The following MTHFD1L variants were observed in gnomAD, a reference collection of about 807,000 sequenced individuals.
The protein encoded by MTHFD1L is monofunctional C1-tetrahydrofolate synthase, mitochondrial.
A neutral mutation model predicts 119.5 loss-of-function variants in MTHFD1L; 81 were observed. The ratio of observed to expected loss-of-function variants is 0.68; its 90% CI spans 0.57 to 0.82. MTHFD1L has a LOEUF of 0.82. Among genes scored for constraint, MTHFD1L ranks in the 40% least tolerant of loss-of-function variants. The pLI is 0.00. For missense variants in MTHFD1L, 1,125 were observed against 1,253.4 expected, an observed-to-expected ratio of 0.90 and a Z score of 1.55; for synonymous variants, 430 against 475.2, an observed-to-expected ratio of 0.90 and a Z score of 1.24.
intron 24 of MTHFD1L, among the ~76,000 whole-genome samples, chr6:151,028,854 T>C (rs892996987): frequency 1.3e-5 from 2 of 152,064 alleles, no homozygotes; most frequent in Non-Finnish European, 2.9e-5. Context: ...GGCAGGCAGA[T>C]CACTTGAGCC....
At chr6:150,936,341 G>T (rs1463925568) in intron 11 of MTHFD1L, among the ~76,000 whole-genome samples, 2 of 152,166 alleles carry the variant, frequency 1.3e-5, no homozygotes, top group Non-Finnish European at 2.9e-5. Context: ...GGACTTTAGG[G>T]TCCCTTCTAA....
intron 20 of MTHFD1L, among the ~76,000 whole-genome samples, chr6:150,998,138 T>C (rs4991136): frequency 0.23 from 34,637 of 152,078 alleles, 4,014 homozygotes; most frequent in Middle Eastern, 0.31. Context: ...AGTCTAATAA[T>C]TTTCTATCCT....
At chr6:150,912,288 T>C (rs1473450022) in intron 8 of MTHFD1L, among the ~76,000 whole-genome samples, 2 of 144,146 alleles carry the variant, frequency 1.4e-5, no homozygotes, top group Non-Finnish European at 3.0e-5. Context: ...AAAAACTGGC[T>C]ACCAGTGTTT....
chr6:150,987,037 T>C (rs1391544458), intron 20 of MTHFD1L, among the ~76,000 whole-genome samples: 1 of 152,152 alleles, frequency 6.6e-6, no homozygotes, highest in Non-Finnish European at 1.5e-5. Flanking sequence ...CCATGCCAAA[T>C]GCATTATGAA....
chr6:150,919,247 A>G (rs1425941454), intron 9 of MTHFD1L, among the ~76,000 whole-genome samples: 1 of 151,794 alleles, frequency 6.6e-6, no homozygotes, highest in African/African-American at 2.4e-5. Flanking sequence ...CCCTTGGGAC[A>G]GAGTCTCACT....
chr6:150,945,740 G>A (rs536818915), intron 15 of MTHFD1L, among the ~76,000 whole-genome samples, 199 bp downstream of exon 15: 1 of 152,116 alleles, frequency 6.6e-6, no homozygotes, highest in Admixed American at 6.5e-5. Context: ...ACACGAAAGA[G>A]CCAGGTGGAC....
chr6:151,096,133 A>G (rs1346887843), intron 27 of MTHFD1L, among the ~76,000 whole-genome samples: 1 of 152,218 alleles, frequency 6.6e-6, no homozygotes, highest in Admixed American at 6.5e-5. Flanking sequence ...GATACCAGCT[A>G]TTTGAACAGA....
chr6:150,922,793 G>A (rs752682029), intron 10 of MTHFD1L, among the ~76,000 whole-genome samples: 3 of 151,798 alleles, frequency 2.0e-5, no homozygotes, highest in South Asian at 4.2e-4. Context: ...ACAGGTGCAC[G>A]CCACCACACC....
chr6:150,960,859 A>G (rs1020926932), intron 18 of MTHFD1L, among the ~76,000 whole-genome samples: 10 of 152,156 alleles, frequency 6.6e-5, no homozygotes, highest in African/African-American at 2.2e-4. Context: ...CATTTCTGGC[A>G]CCAGCCTGGC....
chr6:151,072,367 C>G (rs889635605), intron 26 of MTHFD1L, among the ~76,000 whole-genome samples: 2 of 152,080 alleles, frequency 1.3e-5, no homozygotes, highest in African/African-American at 4.8e-5. Context: ...TATAATGCTT[C>G]TCATAATGTT....
At chr6:151,061,839 T>C (rs1041837767) in intron 26 of MTHFD1L, among the ~76,000 whole-genome samples, 3 of 152,226 alleles carry the variant, frequency 2.0e-5, no homozygotes, top group African/African-American at 7.2e-5. Flanking sequence ...TCCCCAGCGA[T>C]GTGGCTTGGT....
chr6:151,016,207 A>G (rs923521226), intron 24 of MTHFD1L, among the ~76,000 whole-genome samples: 3 of 152,196 alleles, frequency 2.0e-5, no homozygotes, highest in African/African-American at 7.2e-5. Context: ...CCCAAATCGC[A>G]GTCCTAAGTG....
intron 26 of MTHFD1L, among the ~76,000 whole-genome samples, chr6:151,052,198 A>C (rs1443359630): frequency 6.6e-6 from 1 of 152,188 alleles, no homozygotes; most frequent in Non-Finnish European, 1.5e-5. Context: ...CTTCCTGCCA[A>C]GTTGGCCATC....
chr6:150,914,721 C>T (rs903008303), intron 8 of MTHFD1L, among the ~76,000 whole-genome samples: 3 of 152,184 alleles, frequency 2.0e-5, no homozygotes, highest in South Asian at 2.1e-4. Context: ...ACCTAGCTGC[C>T]GGTGGACAGC....
intron 7 of MTHFD1L, among the ~76,000 whole-genome samples, chr6:150,898,521 A>T (rs1352697589): frequency 6.6e-6 from 1 of 152,202 alleles, no homozygotes; most frequent in East Asian, 1.9e-4. Context: ...GCAAAGCAGA[A>T]TTTTCCCCTG....
chr6:151,087,315 A>C (rs1793914998), intron 26 of MTHFD1L, among the ~76,000 whole-genome samples: 1 of 152,008 alleles, frequency 6.6e-6, no homozygotes, highest in African/African-American at 2.4e-5. Context: ...TGATGTAGTT[A>C]ACTGGTATAA....
chr6:151,008,973 T>A (rs996885705), intron 20 of MTHFD1L, among the ~76,000 whole-genome samples: 3 of 148,904 alleles, frequency 2.0e-5, no homozygotes, highest in Non-Finnish European at 4.5e-5. Context: ...AAAAAAAAAA[T>A]TAGCCGGGTG....
At chr6:150,986,740 T>C (rs1238564236) in intron 20 of MTHFD1L, among the ~76,000 whole-genome samples, 1 of 152,216 alleles carries the variant, frequency 6.6e-6, no homozygotes, top group African/African-American at 2.4e-5. Context: ...AGTCTCACTC[T>C]GTCGCCCAGG....
Position 150,926,510 on chromosome 6 carries a change from G to T in MTHFD1L, c.1256+215G>T, listed in dbSNP as rs1790012720. 6.6e-6 allele frequency among the ~76,000 whole-genome samples: 1 copy of T among 152,152 alleles called. No homozygotes were observed. The highest frequency in any genetic ancestry group is 2.1e-4 in the South Asian group (1 of 4,826). ...TACACAAGATAAAGTCAAACAAGTT[G>T]CAGTGCTTTATCTTTTGTTTCTCAT... On this transcript the variant is annotated intron_variant, in intron 11 of 27. Transcript: ENST00000367321. The surrounding 1 kb of genome is among the most constrained non-coding windows in gnomAD (Gnocchi z 4.3).
Sources: gnomAD v4.1 joint callset for allele counts (sites outside exome capture counted in the v4.1 genomes callset) on GRCh38, gnomAD v4.1.1 for gene constraint, Gnocchi (gnomAD v3.1) non-coding constraint, MANE v1.5 for transcripts, NCBI Gene and HGNC (gene_info 2026-07-23, HGNC 2026-07-21) for gene names.